Variants in DDX39A observed in about 807,000 individuals in gnomAD.
The protein encoded by DDX39A is DExD-box helicase 39A.
Under a neutral mutation model 46.3 loss-of-function variants are expected in DDX39A, and 13 were observed. That is an observed-to-expected ratio of 0.28 (90% CI 0.18 to 0.45). The LOEUF (loss-of-function observed/expected upper bound fraction) is 0.45, where lower values mean the gene tolerates loss of function less well. Among genes scored for constraint, DDX39A ranks in the 20% least tolerant of loss-of-function variants. The pLI, the probability that DDX39A is intolerant of heterozygous loss-of-function variation, is 1.00. For missense variants in DDX39A, 352 were observed against 581.8 expected (o/e 0.61, Z 4.06); for synonymous variants, 234 against 224.6 (o/e 1.04, Z -0.38).
At chr19:14,416,369 C>G (rs1244483939) in intron 1 of DDX39A, 6 of 152,284 alleles carry the variant, frequency 3.9e-5, no homozygotes, top group African/African-American at 1.4e-4. Flanking sequence ...TCCTCACAGC[C>G]CCAACTAAAA....
chr19:14,419,213 C>A (rs1976948834), intron 1 of DDX39A, 57 bp downstream of exon 1: 2 of 325,670 alleles, frequency 6.1e-6, no homozygotes, highest in South Asian at 2.2e-5. Flanking sequence ...CTCGTCCTCT[C>A]GCTCTCAGTT....
chr19:14,409,203 A>G lies in DDX39A; in HGVS notation c.1120-19T>C. The G allele has an allele frequency of 6.2e-7, 1 of 1,614,152 alleles. No individual in the cohort carries two copies. Among genetic ancestry groups the G allele is most frequent in the African/African-American group, 1.3e-5 (1 of 75,066 alleles). Reference sequence around the variant, plus strand: ...GGGCCACCTGCAGGCAGACAGGATCAGGGTCAGGCCACAGATACTACCTCA... The same window carrying G: ...GGGCCACCTGCAGGCAGACAGGATCGGGGTCAGGCCACAGATACTACCTCA... On this transcript the variant is annotated intron_variant, in intron 9 of 10. Transcript: ENST00000242776. This position sits in a 1 kb window ranked among gnomAD's most constrained non-coding sequence, Gnocchi z 8.3.
chr19:14,417,720 C>T (rs1395447307), intron 1 of DDX39A, among the ~76,000 whole-genome samples: 5 of 152,110 alleles, frequency 3.3e-5, no homozygotes, highest in Non-Finnish European at 1.5e-5. Flanking sequence ...AAAAAATTAG[C>T]CCGGTGTGGT....
chr19:14,416,699 T>G (rs28677088), intron 1 of DDX39A, among the ~76,000 whole-genome samples: 1 of 152,072 alleles, frequency 6.6e-6, no homozygotes, highest in African/African-American at 2.4e-5. Context: ...TGTTTTTTTG[T>G]TTTTTGAGAC....
At position 14,410,137 on chromosome 19, in the gene DDX39A, G is replaced by A; in HGVS notation, c.732+79C>T. ...AGCATCCCAGCATCCTCCGTGCCAT[G>A]TGGGCCGTGCGGGTGTCCTGGGGCC... On this transcript the variant is annotated intron_variant, in intron 6 of 10. Coordinates refer to ENST00000242776, the MANE Select transcript of DDX39A (RefSeq NM_005804.4). The surrounding 1 kb of genome is among the most constrained non-coding windows in gnomAD (Gnocchi z 4.3). 1 of 1,295,220 alleles carries A rather than the reference G, an allele frequency of 7.7e-7. No individual in the cohort carries two copies. The allele number at this position is 1,295,220 out of a possible 1,614,324, so 80.2% of individuals were successfully genotyped here. A position where few individuals can be genotyped will look rare whatever the true frequency, so the allele number is the denominator to read the frequency against.
Position 14,410,997 on chromosome 19 carries a change from T to C in DDX39A, c.605A>G (p.Glu202Gly). 1 of 1,575,882 alleles carries C rather than the reference T, an allele frequency of 6.3e-7. No homozygotes were observed. Among genetic ancestry groups the C allele is most frequent in the Non-Finnish European group, 8.6e-7 (1 of 1,158,618 alleles). The part of the protein sequence containing the change: ...FVLDECDKML[E>G]QLDMRRDVQE... ...AAGGGCAGAGGACTCACCCAGCTGC[T>C]CCAGCATCTTGTCACACTCGTCCAG... Residue 202 changes from glutamate to glycine, a missense_variant, in exon 5 of 11, where the codon GAG becomes GGG. This residue lies in a region of DDX39A where 301 missense variants were observed against 469.9 expected (regional missense o/e 0.64). Coordinates refer to ENST00000242776, the MANE Select transcript of DDX39A (RefSeq NM_005804.4). This position sits in a 1 kb window ranked among gnomAD's most constrained non-coding sequence, Gnocchi z 4.3.
chr19:14,414,921 C>G (rs757221215), intron 1 of DDX39A, among the ~76,000 whole-genome samples: 14 of 143,870 alleles, frequency 9.7e-5, no homozygotes, highest in Non-Finnish European at 9.0e-5. Context: ...GCTGAAATCA[C>G]GCTTCACTCC....
chr19:14,410,038 G>C lies in DDX39A; in HGVS notation c.733-165C>G. On this transcript the variant is annotated intron_variant, in intron 6 of 10. Coordinates refer to ENST00000242776, the MANE Select transcript of DDX39A (RefSeq NM_005804.4). This position sits in a 1 kb window ranked among gnomAD's most constrained non-coding sequence, Gnocchi z 4.3. ...AAAAGCTGGATGTAAGCTCTGGCCC[G>C]ACTCAGGTGTGGACCAAGCTTGACT... 9.1e-7 allele frequency: 1 copy of C among 1,097,636 alleles called. No individual in the cohort carries two copies. Among genetic ancestry groups the C allele is most frequent in the Non-Finnish European group, 1.4e-6 (1 of 728,224 alleles). 68.0% of individuals were successfully genotyped at this position (1,097,636 alleles called of 1,614,324 possible).
Position 14,410,070 on chromosome 19 carries a change from T to C in DDX39A, c.732+146A>G. 9.7e-7 allele frequency: 1 copy of C among 1,030,240 alleles called. No homozygotes were observed. Among genetic ancestry groups the C allele is most frequent in the Non-Finnish European group, 1.5e-6 (1 of 667,712 alleles). The allele number at this position is 1,030,240 out of a possible 1,614,324, so 63.8% of individuals were successfully genotyped here. A position where few individuals can be genotyped will look rare whatever the true frequency, so the allele number is the denominator to read the frequency against. On this transcript the variant is annotated intron_variant, in intron 6 of 10. Transcript: ENST00000242776. This position sits in a 1 kb window ranked among gnomAD's most constrained non-coding sequence, Gnocchi z 4.3. ...GTGTGGACCAAGCTTGACTCCCAGT[T>C]TGACAAGACCGAGGGGAGGAAAGGA...
Position 14,408,938 on chromosome 19 carries a change from A to G in DDX39A, c.1282T>C (p.Ter428GlnextTer28). 1 of 1,594,338 alleles carries G rather than the reference A, an allele frequency of 6.3e-7. No homozygotes were observed. Among genetic ancestry groups the G allele is most frequent in the Non-Finnish European group, 8.6e-7 (1 of 1,167,530 alleles). ...DISTYIEQSR[*>Q] ...TGGGCGGCTCTGGCACGTGGTGGTT[A>G]CCGGCTCTGCTCGACTGTAAGACAT... The change falls in exon 11 of 11, where the codon TAA (stop) becomes CAA (glutamine). Residue 428 changes from the stop codon to glutamine (Q), a stop_lost. Transcript: ENST00000242776.
At chr19:14,414,952 A>AG (rs972310491) in intron 1 of DDX39A, among the ~76,000 whole-genome samples, 7 of 151,632 alleles carry the variant, frequency 4.6e-5, no homozygotes, top group African/African-American at 1.7e-4. Flanking sequence ...AAAAAAAAAA[A>AG]AAAAAGAAAA....
At position 14,411,177 on chromosome 19, in the gene DDX39A, G is replaced by A. The variant is rs1405100598; in HGVS notation, c.430-5C>T. The A allele has an allele frequency of 6.4e-7, 1 of 1,569,982 alleles. No homozygotes were observed. The highest frequency in any genetic ancestry group is 1.2e-5 in the South Asian group (1 of 85,956). On this transcript the variant is annotated splice_polypyrimidine_tract_variant and splice_region_variant and intron_variant, in intron 4 of 10. Coordinates refer to ENST00000242776, the MANE Select transcript of DDX39A (RefSeq NM_005804.4). The surrounding 1 kb of genome is among the most constrained non-coding windows in gnomAD (Gnocchi z 4.1). ...ACCACCGAAGAACACAGACACCTAT[G>A]GGGATGAGGAGGAAACCGCTCCATG...
chr19:14,415,501 T>C (rs1180703239), intron 1 of DDX39A, among the ~76,000 whole-genome samples: 2 of 152,068 alleles, frequency 1.3e-5, no homozygotes, highest in Middle Eastern at 3.4e-3. Context: ...TTCACCATGT[T>C]GCCCAAGCTG....
rs11545010 is a variant in DDX39A, at chr19:14,413,086, G to A, written c.135C>T (p.Gly45=). Reference sequence around the variant, plus strand: ...CCGGCTTCAGCAGAAAGTCCCGGAAGCCAGAGCTGTGGATGGAAACGTAGG... The same window carrying A: ...CCGGCTTCAGCAGAAAGTCCCGGAAACCAGAGCTGTGGATGGAAACGTAGG... The part of the protein sequence containing the change: ...KGSYVSIHSS[G]FRDFLLKPEL... Residue 45 remains glycine (G), a synonymous_variant, in exon 2 of 11, where the codon GGC becomes GGT. Transcript: ENST00000242776. The A allele has an allele frequency of 5.6e-6, 9 of 1,614,090 alleles. No homozygotes were observed. The highest frequency in any genetic ancestry group is 2.7e-5 in the African/African-American group (2 of 74,934).
intron 1 of DDX39A, among the ~76,000 whole-genome samples, chr19:14,416,872 A>C (rs1319559338): frequency 2.0e-5 from 3 of 152,082 alleles, no homozygotes; most frequent in African/African-American, 7.2e-5. Flanking sequence ...TAGTAGAGAC[A>C]GTGTTTCACC....
Position 14,409,047 on chromosome 19 carries a change from G to A in DDX39A, c.1257C>T (p.Ile419=). The change falls in exon 10 of 11, where the codon ATC becomes ATT. Residue 419 remains isoleucine (I), a synonymous_variant. Coordinates refer to ENST00000242776, the MANE Select transcript of DDX39A (RefSeq NM_005804.4). The surrounding 1 kb of genome is among the most constrained non-coding windows in gnomAD (Gnocchi z 8.3). ...GCCCAAGGCACTTACTGTATGTGGA[G>A]ATGTCGATTTCCTCTGGAAGTTCTG... is the stretch of plus-strand genomic sequence containing the variant. ...NVAELPEEID[I]STYIEQSR The A allele has an allele frequency of 6.2e-7, 1 of 1,614,232 alleles. No individual in the cohort carries two copies. The highest frequency in any genetic ancestry group is 8.5e-7 in the Non-Finnish European group (1 of 1,180,040).
At chr19:14,418,120 C>CAAAAAAAAA (rs60701169) in intron 1 of DDX39A, among the ~76,000 whole-genome samples, 3 of 52,350 alleles carry the variant, frequency 5.7e-5, no homozygotes, top group Admixed American at 1.8e-4. Flanking sequence ...GGCTCTGTCT[C>CAAAAAAAAA]AAAAAAAAAA....
Position 14,410,540 on chromosome 19 carries a change from C to A in DDX39A, c.614-206G>T. On this transcript the variant is annotated intron_variant, in intron 5 of 10. Transcript: ENST00000242776. The surrounding 1 kb of genome is among the most constrained non-coding windows in gnomAD (Gnocchi z 4.3). ...GCGCAGGCGCGGGAGGAGCTGCAAT[C>A]CACTTACACGCTGGCGCGGAGCAGC... The A allele has an allele frequency of 1.7e-6, 1 of 592,366 alleles. No homozygotes were observed. 36.7% of individuals were successfully genotyped at this position (592,366 alleles called of 1,614,324 possible). A position where few individuals can be genotyped will look rare whatever the true frequency, so the allele number is the denominator to read the frequency against.
At position 14,409,518 on chromosome 19, in the gene DDX39A, C is replaced by T. The variant is rs746421482; in HGVS notation, c.974+18G>A. ...CTGGTGGTGCTCCCTGCAGCCTTGG[C>T]GGGCGGCTCGCACTCACCGCTCCTC... On this transcript the variant is annotated intron_variant, in intron 8 of 10. Coordinates refer to ENST00000242776, the MANE Select transcript of DDX39A (RefSeq NM_005804.4). This position sits in a 1 kb window ranked among gnomAD's most constrained non-coding sequence, Gnocchi z 8.3. The T allele has an allele frequency of 1.6e-5, 25 of 1,608,486 alleles. No individual in the cohort carries two copies. The highest frequency in any genetic ancestry group is 4.5e-5 in the East Asian group (2 of 44,834).
Sources: allele counts gnomAD v4.1 joint callset (sites outside exome capture counted in the v4.1 genomes callset), GRCh38; gene constraint gnomAD v4.1.1; regional missense constraint gnomAD v4.1.1; non-coding constraint Gnocchi (gnomAD v3.1); transcripts MANE v1.5; gene names NCBI Gene and HGNC (gene_info 2026-07-23, HGNC 2026-07-21).